VKORC1L1: variants seen among roughly 807,000 people sequenced by gnomAD.
VKORC1L1 encodes the protein vitamin K epoxide reductase complex subunit 1-like protein 1.
In VKORC1L1, 2 loss-of-function variants were observed where a neutral mutation model predicts 18.9. The ratio of observed to expected loss-of-function variants is 0.11; its 90% CI spans 0.04 to 0.33. The LOEUF (loss-of-function observed/expected upper bound fraction) is 0.33. Among genes scored for constraint, VKORC1L1 ranks in the 10% least tolerant of loss-of-function variants. The probability of loss-of-function intolerance (pLI) is 1.00; values close to 1 mark genes in which losing one functional copy is unlikely to be tolerated. For synonymous variants in VKORC1L1, 96 were observed against 100.0 expected (o/e 0.96, Z 0.24); for missense variants, 123 against 224.1 (o/e 0.55, Z 2.88).
chr7:65,934,908 G>C (rs1443281716), intron 1 of VKORC1L1, among the ~76,000 whole-genome samples: 1 of 151,984 alleles, frequency 6.6e-6, no homozygotes, highest in Non-Finnish European at 1.5e-5. Context: ...CAAAAAATTA[G>C]CCGGGCGTGG....
chr7:65,916,352 C>T (rs1339348510), intron 1 of VKORC1L1, among the ~76,000 whole-genome samples: 2 of 152,036 alleles, frequency 1.3e-5, no homozygotes, highest in South Asian at 4.2e-4. Context: ...GGTTATTATT[C>T]TTATTGACAC....
chr7:65,879,857 T>C (rs1274327246), intron 1 of VKORC1L1, among the ~76,000 whole-genome samples: 1 of 151,848 alleles, frequency 6.6e-6, no homozygotes, highest in Admixed American at 6.6e-5. Flanking sequence ...TTTTCTTTCT[T>C]CTTTAACTTT....
intron 1 of VKORC1L1, among the ~76,000 whole-genome samples, chr7:65,898,763 A>G (rs144593614): frequency 1.9e-3 from 295 of 152,328 alleles, no homozygotes; most frequent in African/African-American, 6.9e-3. Context: ...AGTGTAAAGT[A>G]TATTCATATT....
intron 1 of VKORC1L1, among the ~76,000 whole-genome samples, chr7:65,889,590 T>A (rs1247002125): frequency 6.6e-6 from 1 of 152,184 alleles, no homozygotes; most frequent in Non-Finnish European, 1.5e-5. Flanking sequence ...ATCACCAAAG[T>A]ATAACCCTGT....
chr7:65,890,000 C>T (rs547134696), intron 1 of VKORC1L1, among the ~76,000 whole-genome samples: 41 of 152,166 alleles, frequency 2.7e-4, no homozygotes, highest in African/African-American at 8.7e-4. Context: ...TCTTGTCACC[C>T]GGGCTGGAGT....
intron 1 of VKORC1L1, among the ~76,000 whole-genome samples, chr7:65,935,200 T>C (rs1789923176): frequency 6.6e-6 from 1 of 152,190 alleles, no homozygotes; most frequent in African/African-American, 2.4e-5. Flanking sequence ...GTTCTCTTTA[T>C]TTTCTTGCTT....
At chr7:65,882,732 A>C (rs1355755118) in intron 1 of VKORC1L1, among the ~76,000 whole-genome samples, 1 of 152,248 alleles carries the variant, frequency 6.6e-6, no homozygotes, top group Non-Finnish European at 1.5e-5. Context: ...CAGTACTATT[A>C]GAACTGTTGC....
chr7:65,930,806 A>G (rs1170756449), intron 1 of VKORC1L1, among the ~76,000 whole-genome samples: 2 of 151,926 alleles, frequency 1.3e-5, no homozygotes, highest in Admixed American at 6.6e-5. Context: ...CCTTCTTCCT[A>G]TCTTAGGGAG....
chr7:65,929,575 C>T (rs56985706), intron 1 of VKORC1L1, among the ~76,000 whole-genome samples: 18,855 of 150,584 alleles, frequency 0.13, 1,339 homozygotes, highest in Middle Eastern at 0.21. Context: ...AAAACTGTTT[C>T]GGCTTTTCTA....
upstream of VKORC1L1, among the ~76,000 whole-genome samples, chr7:65,870,537 T>C (rs1223552356): frequency 6.6e-6 from 1 of 152,210 alleles, no homozygotes; most frequent in Non-Finnish European, 1.5e-5. Flanking sequence ...ATGGGCCAGA[T>C]GTCCATCCGT....
chr7:65,873,531 C>T lies in VKORC1L1; in HGVS notation c.160C>T (p.Pro54Ser), dbSNP rs766200742. 1 of 1,579,290 alleles carries T rather than the reference C, an allele frequency of 6.3e-7. No homozygotes were observed. The highest frequency in any genetic ancestry group is 2.4e-5 in the East Asian group (1 of 42,536). Residue 54 changes from proline to serine, a missense_variant, in exon 1 of 3, where the codon CCC becomes TCC. Coordinates refer to ENST00000360768, the MANE Select transcript of VKORC1L1 (RefSeq NM_173517.6). ...GCACCGGGCCCTCTGCGACCTGGGG[C>T]CCTGGGTGAAGTGCTCCGCCGCCCT... is the stretch of plus-strand genomic sequence containing the variant. ...PEHRALCDLG[P>S]WVKCSAALAS...
intron 1 of VKORC1L1, among the ~76,000 whole-genome samples, chr7:65,907,250 G>A (rs1344020626): frequency 6.6e-6 from 1 of 152,070 alleles, no homozygotes; most frequent in Non-Finnish European, 1.5e-5. Flanking sequence ...AGACCAGCCT[G>A]GCCAACATGG....
At chr7:65,937,662 C>T (rs917281786) in intron 1 of VKORC1L1, among the ~76,000 whole-genome samples, 1 of 152,166 alleles carries the variant, frequency 6.6e-6, no homozygotes, top group Admixed American at 6.5e-5. Context: ...ATCCCTCCAA[C>T]CTCAGCCTCC....
chr7:65,931,535 T>G (rs1018556676), intron 1 of VKORC1L1, among the ~76,000 whole-genome samples: 3 of 152,224 alleles, frequency 2.0e-5, no homozygotes, highest in African/African-American at 7.2e-5. Flanking sequence ...TATATAACTG[T>G]GTCTAGTGAT....
chr7:65,949,726 G>GGGAGCCGAGGTTGCAC (rs1790182243), intron 2 of VKORC1L1, among the ~76,000 whole-genome samples: 1 of 151,854 alleles, frequency 6.6e-6, no homozygotes, highest in South Asian at 2.1e-4. Flanking sequence ...GGAGGTTGCA[G>GGGAGCCGAGGTTGCAC]GGAGCCGAGA....
intron 1 of VKORC1L1, among the ~76,000 whole-genome samples, chr7:65,934,926 T>C (rs934349191): frequency 2.0e-5 from 3 of 151,582 alleles, no homozygotes; most frequent in Non-Finnish European, 2.9e-5. Context: ...TGGTGGTGGG[T>C]GCCTGTAATC....
At chr7:65,945,748 C>T (rs1469520171) in intron 1 of VKORC1L1, among the ~76,000 whole-genome samples, 1 of 152,094 alleles carries the variant, frequency 6.6e-6, no homozygotes, top group Non-Finnish European at 1.5e-5. Context: ...AAACCTTATG[C>T]ATGTATAACT....
Position 65,951,098 on chromosome 7 carries a change from C to T in VKORC1L1, c.304+2318C>T, listed in dbSNP as rs530074415. Among the ~76,000 whole-genome samples the T allele has an allele frequency of 8.5e-5, 13 of 152,198 alleles. No individual in the cohort carries two copies. The South Asian group carries it at 2.3e-3, about 27-fold the overall frequency. On this transcript the variant is annotated intron_variant, in intron 2 of 2. Transcript: ENST00000360768. ...TATTTATCACATGTGTTTTTTCATT[C>T]GCATTTTTTGACTCGCATTTAGATG...
chr7:65,905,863 C>A (rs1420135119), intron 1 of VKORC1L1, among the ~76,000 whole-genome samples: 3 of 152,178 alleles, frequency 2.0e-5, no homozygotes, highest in Non-Finnish European at 4.4e-5. Flanking sequence ...ACCCAATCCT[C>A]ACCGTGCTTG....
Sources: allele counts gnomAD v4.1 joint callset (sites outside exome capture counted in the v4.1 genomes callset), GRCh38; gene constraint gnomAD v4.1.1; transcripts MANE v1.5; gene names NCBI Gene and HGNC (gene_info 2026-07-23, HGNC 2026-07-21).